Variants in CAPN12 observed in about 807,000 individuals in gnomAD.
The protein encoded by CAPN12 is calpain 12.
In CAPN12, 107 loss-of-function variants were observed where a neutral mutation model predicts 95.0. The observed-to-expected ratio is 1.13, with a 90% confidence interval of 0.96 to 1.32. The LOEUF is 1.32. Among genes scored for constraint, CAPN12 ranks in the 40% most tolerant of loss-of-function variants. CAPN12 has a pLI of 0.00. For missense variants in CAPN12, 1,136 were observed against 997.8 expected (o/e 1.14, Z -1.87); for synonymous variants, 505 against 415.5 (o/e 1.22, Z -2.62).
rs772126885 is a variant in CAPN12 at position 38,738,463 on chromosome 19, CGCAGCCGCA to C, written c.836_844del (p.Leu279_Leu281del). ...CCACTCCACGCAGCCCCATGGGTTCCGCAGCCGCAGCAGCCGCACCTTGGTGAAGCCCAG... is the reference window on the plus strand; with the variant it reads ...CCACTCCACGCAGCCCCATGGGTTCCGCAGCCGCACCTTGGTGAAGCCCAG... On this transcript the variant is annotated inframe_deletion, in exon 7 of 21. Transcript: ENST00000328867. The C allele has an allele frequency of 2.4e-5, 39 of 1,609,858 alleles. No homozygotes were observed. The highest frequency in any genetic ancestry group is 8.4e-5 in the Admixed American group (5 of 59,856).
rs532306693 is a variant in CAPN12, at chr19:38,739,797, C to G, written c.729+254G>C. On this transcript the variant is annotated intron_variant, in intron 5 of 20. Transcript: ENST00000328867. Reference sequence around the variant, plus strand: ...TCCTTTTATGCCCATGAGGGGAGAGCCTGGCTGAGAGTGACACTAACACAG... The same window carrying G: ...TCCTTTTATGCCCATGAGGGGAGAGGCTGGCTGAGAGTGACACTAACACAG... 23 of 359,260 alleles carry G rather than the reference C, an allele frequency of 6.4e-5. No individual in the cohort carries two copies. In the Admixed American group the frequency reaches 8.1e-4, roughly 13 times the overall value. The allele number at this position is 359,260 out of a possible 1,614,324, so 22.3% of individuals were successfully genotyped here. A position where few individuals can be genotyped will look rare whatever the true frequency, so the allele number is the denominator to read the frequency against.
At chr19:38,741,668 G>T in intron 4 of CAPN12, 109 bp downstream of exon 4, 4 of 1,369,168 alleles carry the variant, frequency 2.9e-6, no homozygotes, top group East Asian at 2.4e-5. Flanking sequence ...TGGGATTCTT[G>T]GTGGGGTGTT....
intron 12 of CAPN12, 118 bp from the exon 13 acceptor site, chr19:38,735,662 C>A (rs1969992401): frequency 2.4e-6 from 1 of 408,286 alleles, no homozygotes; most frequent in Non-Finnish European, 3.6e-6. Flanking sequence ...GAGCCCTGGG[C>A]TCATCCTCGC....
chr19:38,742,634 C>T (rs1430474853), intron 2 of CAPN12, 106 bp from the exon 3 acceptor site: 13 of 760,834 alleles, frequency 1.7e-5, no homozygotes, highest in Non-Finnish European at 2.8e-5. Flanking sequence ...AGAAAGATCA[C>T]GTGAGCCTAG....
At chr19:38,734,589 G>A in intron 15 of CAPN12, 200 bp from the exon 16 acceptor site, 1 of 657,786 alleles carries the variant, frequency 1.5e-6, no homozygotes, top group Non-Finnish European at 2.5e-6. Flanking sequence ...CTGTGCTCAA[G>A]GCAGCCTTGC....
Position 38,737,159 on chromosome 19 carries a change from G to C in CAPN12, c.1359C>G (p.Phe453Leu). ...LTYLTVGFHV[F>L]QIPEELLGLW... ...TCAGCTTTGCCCAGGACCTCACCTG[G>C]AACACGTGGAAGCCAACGGTGAGGT... The change falls in exon 10 of 21, where the codon TTC (phenylalanine) becomes TTG (leucine). Residue 453 changes from phenylalanine (F) to leucine (L), a missense_variant. Coordinates refer to ENST00000328867, the MANE Select transcript of CAPN12 (RefSeq NM_144691.4). 1 of 1,546,174 alleles carries C rather than the reference G, an allele frequency of 6.5e-7. No individual in the cohort carries two copies. The highest frequency in any genetic ancestry group is 8.7e-7 in the Non-Finnish European group (1 of 1,146,056).
chr19:38,736,909 C>T, intron 10 of CAPN12: 1 of 407,456 alleles, frequency 2.5e-6, no homozygotes, highest in Non-Finnish European at 4.4e-6. Context: ...GCCCCCCAGC[C>T]CTACTAGCCC....
intron 5 of CAPN12, chr19:38,738,888 T>C (rs889362156): frequency 1.8e-6 from 1 of 553,490 alleles, no homozygotes; most frequent in Non-Finnish European, 3.2e-6. Flanking sequence ...TCCCAGCACT[T>C]AGGGAGGTCG....
chr19:38,739,092 C>CACCA (rs1970394507), intron 5 of CAPN12: 2 of 208,064 alleles, frequency 9.6e-6, no homozygotes, highest in African/African-American at 2.3e-5. Flanking sequence ...GATGACACTA[C>CACCA]TGCACTCTGG....
chr19:38,731,002 T>G lies in CAPN12; in HGVS notation c.2096A>C (p.Asp699Ala). ...CAGGCAGATGACCCCCTCACCCCCATCCAGGTGCTGGCTGCAGTGGCCTGT... is the reference window on the plus strand; with the variant it reads ...CAGGCAGATGACCCCCTCACCCCCAGCCAGGTGCTGGCTGCAGTGGCCTGT... Reference protein sequence around the residue: ...CIFCHCSQHLDGGEGVICLTH... With the variant: ...CIFCHCSQHLAGGEGVICLTH... The change falls in exon 20 of 21, where the codon GAT becomes GCT. Residue 699 changes from aspartate to alanine, a missense_variant. Asp to Ala is a moderately radical substitution (Grantham distance 126, BLOSUM62 -2). Coordinates refer to ENST00000328867, the MANE Select transcript of CAPN12 (RefSeq NM_144691.4). 16 of 1,552,140 alleles carry G rather than the reference T, an allele frequency of 1.0e-5. No homozygotes were observed. The highest frequency in any genetic ancestry group is 1.4e-5 in the African/African-American group (1 of 73,246).
At chr19:38,733,843 C>CT in intron 17 of CAPN12, 62 bp from the exon 18 acceptor site, 2 of 1,408,292 alleles carry the variant, frequency 1.4e-6, no homozygotes, top group Non-Finnish European at 2.0e-6. Context: ...CCAATGGGGC[C>CT]TCCCAGGCAA....
rs1271440660 is a variant in CAPN12 at position 38,744,446 on chromosome 19, G to A, written c.-281C>T. ...CAGAGCTGAGGGAGGACCGGCTGCC[G>A]CTGTCAGAGCACCAAGAAGGAGGTC... On this transcript the variant is annotated 5_prime_UTR_variant, in exon 1 of 21. Coordinates refer to ENST00000328867, the MANE Select transcript of CAPN12 (RefSeq NM_144691.4). 3.5e-5 allele frequency: 18 copies of A among 516,072 alleles called. No individual in the cohort carries two copies. Among genetic ancestry groups the A allele is most frequent in the African/African-American group, 7.7e-5 (4 of 52,094 alleles). 32.0% of individuals were successfully genotyped at this position (516,072 alleles called of 1,614,324 possible).
chr19:38,740,001 C>CA, intron 5 of CAPN12, 50 bp downstream of exon 5: 14 of 1,495,658 alleles, frequency 9.4e-6, no homozygotes, highest in Non-Finnish European at 1.2e-5. Context: ...ACACCCCTGA[C>CA]TGTGCTCTGG....
chr19:38,742,174 A>G (rs1401558654), intron 3 of CAPN12: 1 of 618,854 alleles, frequency 1.6e-6, no homozygotes, highest in Non-Finnish European at 2.8e-6. Flanking sequence ...AAATAAGAAA[A>G]AATTAGCTGG....
chr19:38,742,600 C>T, intron 2 of CAPN12, 72 bp from the exon 3 acceptor site: 1 of 1,084,242 alleles, frequency 9.2e-7, no homozygotes, highest in Admixed American at 2.5e-5. Flanking sequence ...TGCCTCTAAT[C>T]CCAGCACTTT....
At position 38,730,970 on chromosome 19, in the gene CAPN12, T is replaced by C. The variant is rs1321083287; in HGVS notation, c.2128A>G (p.Arg710Gly). The C allele has an allele frequency of 5.8e-6, 9 of 1,550,850 alleles. No individual in the cohort carries two copies. The South Asian group carries it at 9.5e-5, about 16-fold the overall frequency. The change falls in exon 20 of 21, where the codon AGA becomes GGA. Residue 710 changes from arginine to glycine, a missense_variant. Transcript: ENST00000328867. ...GGEGVICLTHRQWMEVATFS is the reference protein window; with the variant it reads ...GGEGVICLTHGQWMEVATFS ...GTCCCTCCCACCTGGCTCACCTGTC[T>C]GTGGGTCAGGCAGATGACCCCCTCA...
Position 38,738,580 on chromosome 19 carries a change from T to C in CAPN12, c.798A>G (p.Thr266=), listed in dbSNP as rs1235661150. The C allele has an allele frequency of 5.0e-6, 8 of 1,614,048 alleles. No homozygotes were observed. Among genetic ancestry groups the C allele is most frequent in the South Asian group, 1.1e-5 (1 of 91,088 alleles). Residue 266 remains threonine, a synonymous_variant, in exon 6 of 21, where the codon ACA becomes ACG. Transcript: ENST00000328867. The part of the protein sequence containing the change: ...VKGHAYSITG[T]HKVFLGFTKV... ...ACCCATGGGGGACACTTACCTTGTG[T>C]GTGCCCGTGATGGAATACGCGTGTC... is the stretch of plus-strand genomic sequence containing the variant.
In CAPN12 at chr19:38,730,855, G is replaced by A. The variant is rs771883392; in HGVS notation, c.2157C>T (p.Ser719=). 904 of 1,551,070 alleles carry A rather than the reference G, an allele frequency of 5.8e-4. 11 individuals are homozygous for A. Among genetic ancestry groups the A allele is most frequent in the Non-Finnish European group, 6.6e-5 (76 of 1,147,326 alleles). The change falls in exon 21 of 21, where the codon TCC becomes TCT. Residue 719 remains serine, a synonymous_variant. Transcript: ENST00000328867. ...CAGGTGCGCCCATCCGGAGATCCTA[G>A]GAGAAGGTGGCCACCTCCATCCACT... ...HRQWMEVATF[S]
At position 38,736,551 on chromosome 19, in the gene CAPN12, C is replaced by G; in HGVS notation, c.1374+1G>C. 6.5e-7 allele frequency: 1 copy of G among 1,538,152 alleles called. No individual in the cohort carries two copies. The highest frequency in any genetic ancestry group is 2.4e-5 in the East Asian group (1 of 42,038). On this transcript the variant is annotated splice_donor_variant, in intron 11 of 20. Transcript: ENST00000328867. LOFTEE classifies it high-confidence loss of function. ...GCCGGTTGACCCCATCCCAGACTCA[C>G]CTCCTCTGGAATCTGAAAGAAGCAA...
Sources: allele counts gnomAD v4.1 joint callset, GRCh38; gene constraint gnomAD v4.1.1; transcripts MANE v1.5; gene names NCBI Gene and HGNC (gene_info 2026-07-23, HGNC 2026-07-21).